DYM: variants seen among roughly 807,000 people sequenced by gnomAD.
The protein encoded by DYM is dymeclin.
Under a neutral mutation model 93.1 loss-of-function variants are expected in DYM, and 78 were observed. The ratio of observed to expected loss-of-function variants is 0.84; its 90% CI spans 0.70 to 1.01. DYM has a LOEUF of 1.01. Ranked by LOEUF, DYM falls within the 50% of genes least tolerant of loss-of-function variation. DYM has a pLI of 0.00. For missense variants in DYM, 789 were observed against 845.0 expected, an observed-to-expected ratio of 0.93 and a Z score of 0.82; for synonymous variants, 321 against 319.7, an observed-to-expected ratio of 1.00 and a Z score of -0.04.
chr18:49,059,312 A>T (rs1407023198), intron 17 of DYM, among the ~76,000 whole-genome samples: 1 of 152,174 alleles, frequency 6.6e-6, no homozygotes, highest in Non-Finnish European at 1.5e-5. Context: ...GGACAGTGAA[A>T]AGTAAGTTCT....
chr18:49,060,499 G>A (rs1387400023), intron 17 of DYM, among the ~76,000 whole-genome samples: 1 of 151,162 alleles, frequency 6.6e-6, no homozygotes, highest in East Asian at 1.9e-4. Context: ...ACATGGGTTT[G>A]GATAGTTTCC....
At chr18:49,155,588 A>G (rs2086313429) in intron 15 of DYM, among the ~76,000 whole-genome samples, 1 of 152,202 alleles carries the variant, frequency 6.6e-6, no homozygotes, top group African/African-American at 2.4e-5. Flanking sequence ...ATCTACCTCT[A>G]TAAGATTTGC....
intron 8 of DYM, among the ~76,000 whole-genome samples, chr18:49,305,295 G>T (rs1214212186): frequency 6.6e-6 from 1 of 152,110 alleles, no homozygotes; most frequent in African/African-American, 2.4e-5. Context: ...TATAGCTGAA[G>T]AACAATATAA....
intron 2 of DYM, among the ~76,000 whole-genome samples, chr18:49,408,816 G>T (rs183747161): frequency 6.6e-6 from 1 of 151,746 alleles, no homozygotes; most frequent in Admixed American, 6.6e-5. Context: ...ATCAATTGTT[G>T]TATTAAATAA....
intron 3 of DYM, among the ~76,000 whole-genome samples, chr18:49,380,768 G>T (rs2067971652): frequency 6.6e-6 from 1 of 152,192 alleles, no homozygotes; most frequent in Non-Finnish European, 1.5e-5. Flanking sequence ...GCTCAGAAAG[G>T]CTAAGCGCTG....
intron 17 of DYM, among the ~76,000 whole-genome samples, chr18:49,077,401 G>A (rs1352398581): frequency 6.6e-6 from 1 of 152,116 alleles, no homozygotes; most frequent in Non-Finnish European, 1.5e-5. Flanking sequence ...CTGTTCTATG[G>A]CTCAAAATAG....
intron 14 of DYM, among the ~76,000 whole-genome samples, chr18:49,178,658 T>C (rs1401182006): frequency 6.6e-6 from 1 of 152,132 alleles, no homozygotes; most frequent in East Asian, 1.9e-4. Flanking sequence ...TTATAATTCT[T>C]TCTAATAAAA....
At chr18:49,441,152 A>ATT (rs1568453692) in intron 1 of DYM, among the ~76,000 whole-genome samples, 3 of 10,296 alleles carry the variant, frequency 2.9e-4, no homozygotes, top group Non-Finnish European at 4.1e-4. Context: ...TATATAATAT[A>ATT]ATATATATTA....
chr18:49,292,357 C>CAGACAGACAG (rs1306163725), intron 8 of DYM, among the ~76,000 whole-genome samples: 23 of 54,216 alleles, frequency 4.2e-4, no homozygotes, highest in African/African-American at 1.8e-3. Context: ...GACAGACAGA[C>CAGACAGACAG]ACACACACAC....
chr18:49,307,749 T>A (rs565241902), intron 8 of DYM, among the ~76,000 whole-genome samples: 1 of 152,308 alleles, frequency 6.6e-6, no homozygotes, highest in African/African-American at 2.4e-5. Context: ...GTGAGCTTCA[T>A]TAACAACATG....
intron 17 of DYM, among the ~76,000 whole-genome samples, chr18:49,094,764 A>G (rs993601319): frequency 6.6e-6 from 1 of 152,206 alleles, no homozygotes; most frequent in South Asian, 2.1e-4. Flanking sequence ...TACTTGCCCA[A>G]AATTGGAAGA....
At chr18:49,271,407 C>A (rs539146983) in intron 11 of DYM, among the ~76,000 whole-genome samples, 3 of 152,230 alleles carry the variant, frequency 2.0e-5, no homozygotes, top group African/African-American at 7.2e-5. Flanking sequence ...GACAAGCGTG[C>A]TGGGAACCCA....
intron 1 of DYM, among the ~76,000 whole-genome samples, chr18:49,451,738 TATC>T (rs1317948682): frequency 6.6e-6 from 1 of 152,250 alleles, no homozygotes; most frequent in Non-Finnish European, 1.5e-5. Context: ...AACACGGTCC[TATC>T]ATAATTTGTT....
chr18:49,123,211 T>A lies in DYM; in HGVS notation c.1729-4285A>T, dbSNP rs908927890. On this transcript the variant is annotated intron_variant, in intron 15 of 17. Transcript: ENST00000675505. ...TATCTTTCTATTGTTAATTTCCGCATGTATTTTGTTATGCAAGCTTATCTA... is the reference window on the plus strand; with the variant it reads ...TATCTTTCTATTGTTAATTTCCGCAAGTATTTTGTTATGCAAGCTTATCTA... Among the ~76,000 whole-genome samples, 6 of 152,226 alleles carry A rather than the reference T, an allele frequency of 3.9e-5. 1 individual carries two copies. The highest frequency in any genetic ancestry group is 3.3e-4 in the Admixed American group (5 of 15,290).
chr18:49,300,082 TATAA>T (rs1419559966), intron 8 of DYM, among the ~76,000 whole-genome samples: 2 of 135,110 alleles, frequency 1.5e-5, no homozygotes, highest in Non-Finnish European at 3.1e-5. Context: ...TATATATATA[TATAA>T]ATATATATAT....
At chr18:49,155,102 G>C (rs983395976) in intron 15 of DYM, among the ~76,000 whole-genome samples, 1 of 152,070 alleles carries the variant, frequency 6.6e-6, no homozygotes, top group African/African-American at 2.4e-5. Context: ...GGGATATTTT[G>C]CTTATTTCTA....
At chr18:49,322,488 A>G (rs1306661684) in intron 8 of DYM, among the ~76,000 whole-genome samples, 2 of 152,122 alleles carry the variant, frequency 1.3e-5, no homozygotes, top group Non-Finnish European at 2.9e-5. Context: ...TGGTAAGGAC[A>G]GAATCAAATG....
At chr18:49,215,779 G>C (rs140405010) in intron 13 of DYM, among the ~76,000 whole-genome samples, 98 of 152,334 alleles carry the variant, frequency 6.4e-4, no homozygotes, top group Non-Finnish European at 1.1e-3. Flanking sequence ...AGCCAAGATG[G>C]CCGAATAGGA....
At chr18:49,347,805 T>C (rs2064730327) in intron 6 of DYM, among the ~76,000 whole-genome samples, 2 of 152,212 alleles carry the variant, frequency 1.3e-5, no homozygotes, top group African/African-American at 4.8e-5. Flanking sequence ...AATTCTACCA[T>C]GCTGAGTGTG....
Sources: gnomAD v4.1 joint callset for allele counts (sites outside exome capture counted in the v4.1 genomes callset) on GRCh38, gnomAD v4.1.1 for gene constraint, MANE v1.5 for transcripts, NCBI Gene and HGNC (gene_info 2026-07-23, HGNC 2026-07-21) for gene names.